Variants in DDHD2 observed in about 807,000 individuals in gnomAD.
DDHD2 encodes triacylglycerol hydrolase DDHD2.
In DDHD2, 62 loss-of-function variants were observed where a neutral mutation model predicts 91.2. That is an observed-to-expected ratio of 0.68 (90% CI 0.55 to 0.84). The LOEUF (loss-of-function observed/expected upper bound fraction) is 0.84. Among genes scored for constraint, DDHD2 ranks in the 40% least tolerant of loss-of-function variants. The pLI, the probability that DDHD2 is intolerant of heterozygous loss-of-function variation, is 0.00. For missense variants in DDHD2, 740 were observed against 846.9 expected, an observed-to-expected ratio of 0.87 and a Z score of 1.57; for synonymous variants, 271 against 293.9, an observed-to-expected ratio of 0.92 and a Z score of 0.80.
rs751112891 is a variant in DDHD2 at position 38,253,015 on chromosome 8, G to A, written c.1779G>A (p.Ser593=). ...ACCTTAAGAACAACTTGCTAGGTTC[G>A]CTGCGGATGGCCTGGAAGTCTTTTA... ...SMDLKNNLLG[S]LRMAWKSFTR... The change falls in exon 15 of 18, where the codon TCG becomes TCA. Residue 593 remains serine (S), a synonymous_variant. Transcript: ENST00000397166. 6.2e-6 allele frequency: 10 copies of A among 1,613,990 alleles called. No individual in the cohort carries two copies. The highest frequency in any genetic ancestry group is 1.7e-5 in the Admixed American group (1 of 59,982).
At chr8:38,232,897 G>A in intron 1 of DDHD2, 90 bp from the exon 2 acceptor site, 1 of 768,184 alleles carries the variant, frequency 1.3e-6, no homozygotes, top group Non-Finnish European at 2.1e-6. Context: ...TGCAGAAATG[G>A]CTCCGTAAAA....
intron 16 of DDHD2, among the ~76,000 whole-genome samples, chr8:38,257,740 C>G (rs1806641908): frequency 6.8e-6 from 1 of 147,124 alleles, no homozygotes; most frequent in South Asian, 2.2e-4. Context: ...TCTCGGCTCA[C>G]TGCAACCTCT....
intron 5 of DDHD2, chr8:38,238,555 C>T (rs1173952178): frequency 9.6e-7 from 1 of 1,043,690 alleles, no homozygotes; most frequent in Non-Finnish European, 1.2e-6. Context: ...AGATTTTCAA[C>T]TAAGGAAAAC....
intron 6 of DDHD2, among the ~76,000 whole-genome samples, chr8:38,240,626 C>T (rs970939108): frequency 2.0e-5 from 3 of 152,068 alleles, no homozygotes; most frequent in Non-Finnish European, 2.9e-5. Context: ...TGTGGTGGTC[C>T]TATTTCTAAC....
intron 1 of DDHD2, chr8:38,268,368 C>T (rs1427358879): frequency 6.4e-7 from 1 of 1,563,884 alleles, no homozygotes; most frequent in Non-Finnish European, 8.7e-7. Context: ...GGCTAGCGCT[C>T]ACCCAGGCAG....
chr8:38,267,842 T>C, intron 1 of DDHD2: 1 of 1,541,438 alleles, frequency 6.5e-7, no homozygotes, highest in East Asian at 2.2e-5. Context: ...AACCTCTCTG[T>C]TCTGGTGGGT....
At chr8:38,267,171 C>T, downstream of DDHD2, 1 of 1,604,372 alleles carries the variant, frequency 6.2e-7, no homozygotes, top group Non-Finnish European at 8.5e-7. Context: ...ATTGTAGAAA[C>T]AAGAGTAGTC....
rs1805323000 is a variant in DDHD2, at chr8:38,242,352, G to A, written c.815G>A (p.Trp272Ter). Reference protein sequence around the residue: ...IGRVEFLPVNWHSPLHSTGVD... With the variant: ...IGRVEFLPVN ...AGGGTAGAATTTCTTCCAGTCAACT[G>A]GCACAGTCCTTTGCATTCTACTGGT... Residue 272 changes from tryptophan to a stop codon, truncating the protein, a stop_gained, in exon 7 of 18, where the codon TGG becomes TAG. Coordinates refer to ENST00000397166, the MANE Select transcript of DDHD2 (RefSeq NM_015214.3). LOFTEE classifies it high-confidence loss of function. 1 of 1,610,988 alleles carries A rather than the reference G, an allele frequency of 6.2e-7. No individual in the cohort carries two copies. The highest frequency in any genetic ancestry group is 8.5e-7 in the Non-Finnish European group (1 of 1,179,112).
intron 11 of DDHD2, 101 bp from the exon 12 acceptor site, chr8:38,251,811 C>T: frequency 2.6e-6 from 2 of 770,656 alleles, no homozygotes; most frequent in African/African-American, 1.8e-5. Context: ...TGGGCTTAAA[C>T]AATCCTACCT....
At chr8:38,267,470 C>T (rs1807823469), downstream of DDHD2, 2 of 1,544,566 alleles carry the variant, frequency 1.3e-6, no homozygotes, top group Middle Eastern at 1.7e-4. Flanking sequence ...CATTAATAAT[C>T]CTGTTAACTA....
intron 16 of DDHD2, among the ~76,000 whole-genome samples, chr8:38,258,306 C>T (rs542309971): frequency 2.7e-5 from 4 of 150,560 alleles, no homozygotes; most frequent in African/African-American, 9.8e-5. Context: ...GGCTGAAGTG[C>T]AGTAGTGCAG....
intron 10 of DDHD2, 123 bp downstream of exon 10, chr8:38,247,958 A>C: frequency 1.3e-6 from 1 of 757,318 alleles, no homozygotes; most frequent in Non-Finnish European, 2.0e-6. Flanking sequence ...AATGTTCCTT[A>C]GCATTATTTA....
intron 16 of DDHD2, among the ~76,000 whole-genome samples, chr8:38,254,041 A>G (rs112156626): frequency 7.3e-5 from 11 of 149,884 alleles, no homozygotes; most frequent in African/African-American, 2.7e-4. Flanking sequence ...ACACCACTGC[A>G]CTCTAGCCTG....
chr8:38,238,384 T>C (rs1335244615), intron 5 of DDHD2, 175 bp downstream of exon 5: 1 of 1,386,754 alleles, frequency 7.2e-7, no homozygotes, highest in Admixed American at 3.2e-5. Context: ...TTAATAGATG[T>C]AAAAATATCT....
chr8:38,248,359 C>A (rs1448148308), intron 10 of DDHD2, among the ~76,000 whole-genome samples: 1 of 151,466 alleles, frequency 6.6e-6, no homozygotes, highest in Non-Finnish European at 1.5e-5. Context: ...CCGTGCCCAG[C>A]CAGCTGATTT....
intron 4 of DDHD2, 24 bp downstream of exon 4, chr8:38,237,651 C>T (rs779947019): frequency 8.6e-6 from 12 of 1,398,734 alleles, no homozygotes; most frequent in Non-Finnish European, 1.2e-5. Flanking sequence ...TTTCTCTTGT[C>T]GGGATAAAAA....
Position 38,249,455 on chromosome 8 carries a change from G to GT in DDHD2, c.1249-235dup, listed in dbSNP as rs74689881. 0.037 allele frequency among the ~76,000 whole-genome samples: 3,990 copies of GT among 108,624 alleles called. 81 individuals are homozygous for GT. Among genetic ancestry groups the GT allele is most frequent in the African/African-American group, 0.076 (2,300 of 30,192 alleles). 71.3% of individuals were successfully genotyped at this position (108,624 alleles called of 152,430 possible). ...AAGTCCTTAGATACCCAACTTCTCTGTTTTTTTTTTTTTTTTTTAACAATA... is the reference window on the plus strand; with the variant it reads ...AAGTCCTTAGATACCCAACTTCTCTGTTTTTTTTTTTTTTTTTTTAACAATA... On this transcript the variant is annotated intron_variant, in intron 10 of 17. Coordinates refer to ENST00000397166, the MANE Select transcript of DDHD2 (RefSeq NM_015214.3).
downstream of DDHD2, chr8:38,264,334 G>A: frequency 1.1e-6 from 1 of 886,100 alleles, no homozygotes; most frequent in Non-Finnish European, 1.6e-6. Context: ...TAGAGACAGG[G>A]TTCACCATGT....
At chr8:38,245,600 C>T (rs1805570427) in intron 7 of DDHD2, 142 bp from the exon 8 acceptor site, 1 of 747,902 alleles carries the variant, frequency 1.3e-6, no homozygotes, top group Non-Finnish European at 2.2e-6. Flanking sequence ...CTTCATTACA[C>T]ATGTTCCTTT....
Sources: allele counts gnomAD v4.1 joint callset (sites outside exome capture counted in the v4.1 genomes callset), GRCh38; gene constraint gnomAD v4.1.1; transcripts MANE v1.5; gene names NCBI Gene and HGNC (gene_info 2026-07-23, HGNC 2026-07-21).